Variants in SLC49A4 observed in about 807,000 individuals in gnomAD.
SLC49A4 encodes the protein solute carrier family 49 member 4.
Under a neutral mutation model 50.6 loss-of-function variants are expected in SLC49A4, and 36 were observed. The ratio of observed to expected loss-of-function variants is 0.71; its 90% CI spans 0.55 to 0.94. The LOEUF (loss-of-function observed/expected upper bound fraction) is 0.94, where lower values mean the gene tolerates loss of function less well. Among genes scored for constraint, SLC49A4 ranks in the 40% least tolerant of loss-of-function variants. The probability of loss-of-function intolerance (pLI) is 0.00; values close to 1 mark genes in which losing one functional copy is unlikely to be tolerated. For synonymous variants in SLC49A4, 248 were observed against 241.2 expected (o/e 1.03, Z -0.26); for missense variants, 503 against 605.7 (o/e 0.83, Z 1.78).
chr3:122,848,961 C>T (rs35966244), intron 5 of SLC49A4, among the ~76,000 whole-genome samples: 1 of 152,142 alleles, frequency 6.6e-6, no homozygotes, highest in African/African-American at 2.4e-5. Flanking sequence ...TCTCTTCATC[C>T]TCCCACCCTT....
chr3:122,813,528 C>T (rs1376873266), intron 2 of SLC49A4, among the ~76,000 whole-genome samples: 6 of 152,286 alleles, frequency 3.9e-5, no homozygotes, highest in Non-Finnish European at 7.3e-5. Context: ...CTCTCTCTCC[C>T]TCCTGTATAT....
intron 2 of SLC49A4, among the ~76,000 whole-genome samples, chr3:122,813,028 T>A (rs1198535939): frequency 1.3e-5 from 2 of 152,084 alleles, no homozygotes; most frequent in Non-Finnish European, 2.9e-5. Context: ...GGCGGGCGGA[T>A]CACCTGAGGT....
At chr3:122,847,862 A>G (rs1176038285) in intron 5 of SLC49A4, among the ~76,000 whole-genome samples, 2 of 152,254 alleles carry the variant, frequency 1.3e-5, no homozygotes, top group African/African-American at 4.8e-5. Flanking sequence ...TGCTTGCTCC[A>G]AGTTCATAAA....
rs548228344 is a variant in SLC49A4 at position 122,871,592 on chromosome 3, A to C, written c.1139-823A>C. On this transcript the variant is annotated intron_variant, in intron 7 of 8. Transcript: ENST00000261038. ...CGGTGAATATGATATACTTATTAGG[A>C]TATAGGGACATGTTTTAGGTTTCTA... Among the ~76,000 whole-genome samples the C allele has an allele frequency of 2.7e-4, 41 of 152,236 alleles. No individual in the cohort carries two copies. The South Asian group carries it at 6.2e-3, about 23-fold the overall frequency.
rs538407992 is a variant in SLC49A4 at position 122,799,179 on chromosome 3, C to T, written c.343+3644C>T. Among the ~76,000 whole-genome samples, 14 of 152,188 alleles carry T rather than the reference C, an allele frequency of 9.2e-5. No homozygotes were observed. The East Asian group carries it at 2.7e-3, about 29-fold the overall frequency. ...CCTCCTCCTAGTAAGGAGATCCAGA[C>T]AGCAAACAAGAAAAGCAAATATTTA... On this transcript the variant is annotated intron_variant, in intron 1 of 8. Transcript: ENST00000261038.
At chr3:122,811,306 T>C (rs576092687) in intron 2 of SLC49A4, among the ~76,000 whole-genome samples, 11 of 152,332 alleles carry the variant, frequency 7.2e-5, no homozygotes, top group African/African-American at 2.4e-4. Flanking sequence ...TCAAGAGAAT[T>C]CTTTCTTGAG....
intron 2 of SLC49A4, among the ~76,000 whole-genome samples, chr3:122,813,704 CTGCAACAAAATGATTAG>C (rs1447663128): frequency 1.3e-5 from 2 of 152,130 alleles, no homozygotes; most frequent in African/African-American, 4.8e-5. Flanking sequence ...AAAACTTTAT[CTGCAACAAAATGATTAG>C]AGGAACAAAA....
At chr3:122,838,184 T>G (rs1157076437) in intron 4 of SLC49A4, among the ~76,000 whole-genome samples, 1 of 152,090 alleles carries the variant, frequency 6.6e-6, no homozygotes, top group African/African-American at 2.4e-5. Flanking sequence ...GAAATACCAT[T>G]TGACCCAGCC....
chr3:122,807,973 A>G (rs749858763), intron 2 of SLC49A4, among the ~76,000 whole-genome samples: 1 of 152,160 alleles, frequency 6.6e-6, no homozygotes, highest in African/African-American at 2.4e-5. Context: ...TATAAGGGGT[A>G]GAGATTGCTG....
chr3:122,795,109 T>A lies in SLC49A4; in HGVS notation c.-84T>A, dbSNP rs1351874638. Reference sequence around the variant, plus strand: ...GGCGACCACAGCAGCCTCCGCCTCCTGCTGCTCAGGACTATTCTGCGCTGG... The same window carrying A: ...GGCGACCACAGCAGCCTCCGCCTCCAGCTGCTCAGGACTATTCTGCGCTGG... On this transcript the variant is annotated 5_prime_UTR_variant, in exon 1 of 9. Coordinates refer to ENST00000261038, the MANE Select transcript of SLC49A4 (RefSeq NM_032839.3). The A allele has an allele frequency of 4.9e-6, 6 of 1,231,448 alleles. No individual in the cohort carries two copies. Among genetic ancestry groups the A allele is most frequent in the Non-Finnish European group, 6.1e-6 (6 of 987,652 alleles). 76.3% of individuals were successfully genotyped at this position (1,231,448 alleles called of 1,614,324 possible).
intron 1 of SLC49A4, 30 bp from the exon 2 acceptor site, chr3:122,806,827 G>A (rs1271966510): frequency 2.2e-6 from 3 of 1,352,884 alleles, no homozygotes; most frequent in South Asian, 2.4e-5. Context: ...AGAAAATCAA[G>A]ATAATTTCAA....
At chr3:122,860,967 T>A (rs1937052226) in intron 7 of SLC49A4, among the ~76,000 whole-genome samples, 1 of 152,240 alleles carries the variant, frequency 6.6e-6, no homozygotes, top group African/African-American at 2.4e-5. Flanking sequence ...TCCTTGTTTA[T>A]GGCTCTGTCC....
chr3:122,875,742 C>T (rs910352746), intron 8 of SLC49A4, among the ~76,000 whole-genome samples: 3 of 152,100 alleles, frequency 2.0e-5, no homozygotes, highest in African/African-American at 7.2e-5. Flanking sequence ...AGGGTTTTTC[C>T]CCCTACAGTG....
intron 3 of SLC49A4, 40 bp from the exon 4 acceptor site, chr3:122,833,277 G>T (rs774061750): frequency 4.3e-5 from 69 of 1,591,076 alleles, no homozygotes; most frequent in Non-Finnish European, 5.5e-5. Context: ...TCAACTTTTT[G>T]TGTTTCCTGG....
At chr3:122,811,637 G>A (rs1014830791) in intron 2 of SLC49A4, among the ~76,000 whole-genome samples, 2 of 152,184 alleles carry the variant, frequency 1.3e-5, no homozygotes, top group Admixed American at 1.3e-4. Context: ...AGCTTTGCTT[G>A]TAATAGCAGA....
At chr3:122,843,340 C>G (rs1936801491) in intron 4 of SLC49A4, among the ~76,000 whole-genome samples, 2 of 152,076 alleles carry the variant, frequency 1.3e-5, no homozygotes, top group Admixed American at 1.3e-4. Flanking sequence ...TATCTTTGTA[C>G]CACCCACTTC....
intron 4 of SLC49A4, among the ~76,000 whole-genome samples, chr3:122,835,840 T>C (rs575451644): frequency 2.0e-5 from 3 of 152,124 alleles, no homozygotes; most frequent in Non-Finnish European, 4.4e-5. Flanking sequence ...GATATGATCA[T>C]ATACCTAAAA....
chr3:122,864,679 C>G (rs1037890475), intron 7 of SLC49A4, among the ~76,000 whole-genome samples: 3 of 152,088 alleles, frequency 2.0e-5, no homozygotes, highest in Non-Finnish European at 4.4e-5. Context: ...AAGGTGACTT[C>G]AAGTGTTATT....
chr3:122,834,353 A>G (rs1438259300), intron 4 of SLC49A4, among the ~76,000 whole-genome samples: 1 of 152,178 alleles, frequency 6.6e-6, no homozygotes, highest in Non-Finnish European at 1.5e-5. Context: ...AATCAAAATC[A>G]TATCAAGTAT....
Sources: allele counts gnomAD v4.1 joint callset (sites outside exome capture counted in the v4.1 genomes callset), GRCh38; gene constraint gnomAD v4.1.1; transcripts MANE v1.5; gene names NCBI Gene and HGNC (gene_info 2026-07-23, HGNC 2026-07-21).